Variants in ALOX5 observed in about 807,000 individuals in gnomAD.
ALOX5 encodes the protein arachidonate 5-lipoxygenase, also known as polyunsaturated fatty acid 5-lipoxygenase.
In ALOX5, 64 loss-of-function variants were observed where a neutral mutation model predicts 87.9. The ratio of observed to expected loss-of-function variants is 0.73; its 90% CI spans 0.60 to 0.90. The LOEUF (loss-of-function observed/expected upper bound fraction) is 0.90, where lower values mean the gene tolerates loss of function less well. Among genes scored for constraint, ALOX5 ranks in the 40% least tolerant of loss-of-function variants. The probability of loss-of-function intolerance (pLI) is 0.00; values close to 1 mark genes in which losing one functional copy is unlikely to be tolerated. For missense variants in ALOX5, 822 were observed against 907.5 expected, an observed-to-expected ratio of 0.91 and a Z score of 1.21; for synonymous variants, 388 against 355.1, an observed-to-expected ratio of 1.09 and a Z score of -1.04.
At chr10:45,383,814 A>G (rs974953902) in intron 2 of ALOX5, among the ~76,000 whole-genome samples, 1 of 152,166 alleles carries the variant, frequency 6.6e-6, no homozygotes, top group Non-Finnish European at 1.5e-5. Context: ...CCCCCTACCT[A>G]ATGACAGGAA....
intron 4 of ALOX5, among the ~76,000 whole-genome samples, chr10:45,415,959 C>A (rs1841276051): frequency 6.6e-6 from 1 of 152,160 alleles, no homozygotes; most frequent in Non-Finnish European, 1.5e-5. Flanking sequence ...TCCTTTTACA[C>A]CTAGAATCCT....
At chr10:45,392,326 G>A (rs375825543) in intron 2 of ALOX5, among the ~76,000 whole-genome samples, 3 of 152,068 alleles carry the variant, frequency 2.0e-5, no homozygotes, top group African/African-American at 4.8e-5. Flanking sequence ...TGTAGAAAGA[G>A]GTAGACATGG....
chr10:45,418,067 C>T (rs573130376), intron 4 of ALOX5, among the ~76,000 whole-genome samples: 25 of 152,222 alleles, frequency 1.6e-4, no homozygotes, highest in Non-Finnish European at 2.8e-4. Flanking sequence ...TGAGAGGGGC[C>T]CTTCTGCCCC....
At chr10:45,388,868 A>G (rs1175546327) in intron 2 of ALOX5, among the ~76,000 whole-genome samples, 1 of 152,246 alleles carries the variant, frequency 6.6e-6, no homozygotes, top group African/African-American at 2.4e-5. Flanking sequence ...TTGAGAGAAG[A>G]AGGCTTCAGA....
At chr10:45,389,727 C>T (rs1291874572) in intron 2 of ALOX5, among the ~76,000 whole-genome samples, 1 of 151,482 alleles carries the variant, frequency 6.6e-6, no homozygotes, top group Non-Finnish European at 1.5e-5. Flanking sequence ...TGGTACCAGC[C>T]ACTGCAAAAA....
intron 2 of ALOX5, among the ~76,000 whole-genome samples, chr10:45,386,738 C>G (rs2132688501): frequency 6.6e-6 from 1 of 152,206 alleles, no homozygotes; most frequent in Non-Finnish European, 1.5e-5. Flanking sequence ...AGAAACTATT[C>G]CAGGACCTGT....
At chr10:45,419,125 G>A (rs1841407530) in intron 4 of ALOX5, among the ~76,000 whole-genome samples, 1 of 152,240 alleles carries the variant, frequency 6.6e-6, no homozygotes, top group Admixed American at 6.5e-5. Context: ...GAGGCGCTAT[G>A]AGCCCGAGTT....
intron 2 of ALOX5, among the ~76,000 whole-genome samples, chr10:45,391,124 G>A (rs1263528093): frequency 1.3e-4 from 15 of 111,254 alleles, no homozygotes; most frequent in East Asian, 3.1e-4. Context: ...CTCTTTCCAC[G>A]GTCTCCCTCT....
chr10:45,418,837 G>C (rs1166011396), intron 4 of ALOX5, among the ~76,000 whole-genome samples: 1 of 152,260 alleles, frequency 6.6e-6, no homozygotes, highest in East Asian at 1.9e-4. Flanking sequence ...ACGATTGCAG[G>C]GGGTGGCAGG....
intron 2 of ALOX5, among the ~76,000 whole-genome samples, chr10:45,393,966 A>C (rs1840399911): frequency 6.6e-6 from 1 of 152,244 alleles, no homozygotes; most frequent in South Asian, 2.1e-4. Flanking sequence ...AGACACAAAC[A>C]AATGGAAGAA....
intron 4 of ALOX5, among the ~76,000 whole-genome samples, chr10:45,420,859 AAG>A: frequency 6.6e-6 from 1 of 152,354 alleles, no homozygotes; most frequent in Non-Finnish European, 1.5e-5. Context: ...CAAATTGAGA[AAG>A]AGAGTTTCCT....
chr10:45,374,651 C>T (rs377409189), intron 1 of ALOX5, among the ~76,000 whole-genome samples: 1 of 151,872 alleles, frequency 6.6e-6, no homozygotes, highest in African/African-American at 2.4e-5. Flanking sequence ...CAGGACCCCT[C>T]GCGGCGGCCG....
chr10:45,443,402 G>A lies in ALOX5; in HGVS notation c.1452-14G>A, dbSNP rs746810158. 1.8e-5 allele frequency: 28 copies of A among 1,597,498 alleles called. No homozygotes were observed. In the Middle Eastern group the frequency reaches 1.9e-3, roughly 106 times the overall value. On this transcript the variant is annotated splice_polypyrimidine_tract_variant and intron_variant, in intron 10 of 13. Coordinates refer to ENST00000374391, the MANE Select transcript of ALOX5 (RefSeq NM_000698.5). Reference sequence around the variant, plus strand: ...TGGCTGGGTCGCCCACCCCGGCTGCGCCCCCTGAGCCAGGTTCACGGCCGA... The same window carrying A: ...TGGCTGGGTCGCCCACCCCGGCTGCACCCCCTGAGCCAGGTTCACGGCCGA...
chr10:45,441,975 C>T (rs7896431), intron 9 of ALOX5, among the ~76,000 whole-genome samples: 75,154 of 151,816 alleles, frequency 0.5, 18,809 homozygotes, highest in East Asian at 0.64. Flanking sequence ...GGCCCTTGCC[C>T]CAACCTTCCT....
At chr10:45,443,645 G>C in intron 11 of ALOX5, 83 bp from the exon 12 acceptor site, 1 of 1,592,924 alleles carries the variant, frequency 6.3e-7, no homozygotes, top group Non-Finnish European at 8.5e-7. Context: ...CGGCCTTGGG[G>C]CAGGGAATCC....
chr10:45,430,705 T>C (rs1266310955), intron 7 of ALOX5, among the ~76,000 whole-genome samples: 1 of 151,520 alleles, frequency 6.6e-6, no homozygotes, highest in Admixed American at 6.6e-5. Context: ...TTTGAAAAAT[T>C]AGAGAAATGG....
In ALOX5 at chr10:45,428,335, G is replaced by A. The variant is rs1263007605; in HGVS notation, c.835-283G>A. ...TTTCTTCTTAGTAAACTGACACTCG[G>A]GTCGGTCTCTCATCTTTCGTGCCAG... is the stretch of plus-strand genomic sequence containing the variant. On this transcript the variant is annotated intron_variant, in intron 6 of 13. Transcript: ENST00000374391. 7 of 498,726 alleles carry A rather than the reference G, an allele frequency of 1.4e-5. No homozygotes were observed. In the Admixed American group the frequency reaches 2.4e-4, roughly 17 times the overall value. 30.9% of individuals were successfully genotyped at this position (498,726 alleles called of 1,614,324 possible).
At chr10:45,381,061 T>C (rs1459529014) in intron 1 of ALOX5, among the ~76,000 whole-genome samples, 1 of 152,260 alleles carries the variant, frequency 6.6e-6, no homozygotes, top group Non-Finnish European at 1.5e-5. Flanking sequence ...CTGCCATCCA[T>C]TGCTGCAGAG....
rs1047822959 is a variant in ALOX5, at chr10:45,409,136, C to T, written c.432-3055C>T. On this transcript the variant is annotated intron_variant, in intron 3 of 13. Transcript: ENST00000374391. ...ACAGTGGCCAGCTGTTCAAACTGGG[C>T]TCAAGTAAGGCAAATGCTGAGCCAT... 3.9e-5 allele frequency among the ~76,000 whole-genome samples: 6 copies of T among 152,182 alleles called. No homozygotes were observed. The East Asian group carries it at 1.2e-3, about 29-fold the overall frequency.
Sources: gnomAD v4.1 joint callset for allele counts (sites outside exome capture counted in the v4.1 genomes callset) on GRCh38, gnomAD v4.1.1 for gene constraint, MANE v1.5 for transcripts, NCBI Gene and HGNC (gene_info 2026-07-23, HGNC 2026-07-21) for gene names.